The following CCDC192 variants were observed in gnomAD, a reference collection of about 807,000 sequenced individuals.
CCDC192 encodes coiled-coil domain containing 192.
Position 127,719,510 on chromosome 5 carries a change from T to C in CCDC192, c.114+11750T>C, listed in dbSNP as rs1331728525. On this transcript the variant is annotated intron_variant, in intron 2 of 6. Transcript: ENST00000514853. ...ATATATATATACACACACATACATA[T>C]ATATATATATATATACACACATACA... Among the ~76,000 whole-genome samples, 36 of 49,092 alleles carry C rather than the reference T, an allele frequency of 7.3e-4. 2 individuals are homozygous for C. Among genetic ancestry groups the C allele is most frequent in the South Asian group, 4.5e-3 (8 of 1,784 alleles). The allele number at this position is 49,092 out of a possible 152,430, so 32.2% of individuals were successfully genotyped here.
intron 5 of CCDC192, among the ~76,000 whole-genome samples, chr5:127,848,570 C>T (rs1373872161): frequency 6.6e-6 from 1 of 152,188 alleles, no homozygotes; most frequent in Non-Finnish European, 1.5e-5. Flanking sequence ...CTGCCACTTA[C>T]TAGATGTGAC....
chr5:127,834,859 G>C (rs901697602), intron 5 of CCDC192, among the ~76,000 whole-genome samples: 1 of 152,178 alleles, frequency 6.6e-6, no homozygotes, highest in Non-Finnish European at 1.5e-5. Flanking sequence ...GTGTTGTTAA[G>C]TGTGCCAGTA....
chr5:127,930,686 C>G (rs1754003211), intron 6 of CCDC192, among the ~76,000 whole-genome samples: 1 of 152,228 alleles, frequency 6.6e-6, no homozygotes, highest in Non-Finnish European at 1.5e-5. Context: ...TGAGACCCTG[C>G]AGTGGGTGGG....
At chr5:127,783,496 A>T (rs1315151036) in intron 3 of CCDC192, among the ~76,000 whole-genome samples, 1 of 152,146 alleles carries the variant, frequency 6.6e-6, no homozygotes, top group Admixed American at 6.5e-5. Context: ...GCTTAATATG[A>T]TTTCAATTTC....
Position 127,845,217 on chromosome 5 carries a change from G to A in CCDC192, c.412-30321G>A, listed in dbSNP as rs536207285. ...TGTTCTTGCCTCCATGTCAGTCATG[G>A]AGACTGGAGCTGTCTGGAGGAGAGT... is the stretch of plus-strand genomic sequence containing the variant. On this transcript the variant is annotated intron_variant, in intron 5 of 6. Transcript: ENST00000514853. Among the ~76,000 whole-genome samples the A allele has an allele frequency of 2.0e-5, 3 of 152,320 alleles. No individual in the cohort carries two copies. In the East Asian group the frequency reaches 5.8e-4, roughly 29 times the overall value.
intron 6 of CCDC192, among the ~76,000 whole-genome samples, chr5:127,898,112 GT>G (rs200561865): frequency 4.7e-4 from 69 of 145,280 alleles, no homozygotes; most frequent in Admixed American, 8.3e-4. Context: ...ATATGGTCCA[GT>G]TTTTTTTTTT....
chr5:127,938,890 G>A (rs1409025319), intron 6 of CCDC192, among the ~76,000 whole-genome samples: 1 of 151,888 alleles, frequency 6.6e-6, no homozygotes, highest in Non-Finnish European at 1.5e-5. Context: ...AAGGCCTCCT[G>A]CCATATGGAC....
At chr5:127,772,466 C>CAAA (rs34089281) in intron 3 of CCDC192, among the ~76,000 whole-genome samples, 2 of 67,734 alleles carry the variant, frequency 3.0e-5, no homozygotes. Flanking sequence ...GACTCTGTCA[C>CAAA]AAAAAAAAAA....
chr5:127,940,304 T>C (rs374750177), intron 6 of CCDC192: 1 of 152,204 alleles, frequency 6.6e-6, no homozygotes, highest in African/African-American at 2.4e-5. Flanking sequence ...TGAATCTGTA[T>C]GGGAAATACC....
chr5:127,917,839 G>C lies in CCDC192; in HGVS notation c.536-23343G>C, dbSNP rs556865896. 3.1e-4 allele frequency among the ~76,000 whole-genome samples: 47 copies of C among 152,224 alleles called. 1 individual carries two copies. The South Asian group carries it at 8.9e-3, about 29-fold the overall frequency. ...TAGAGACACAAAGTGAGCACGTGCTGTTGAAAAAATGGCACTAAAACCGGG... is the reference window on the plus strand; with the variant it reads ...TAGAGACACAAAGTGAGCACGTGCTCTTGAAAAAATGGCACTAAAACCGGG... On this transcript the variant is annotated intron_variant, in intron 6 of 6. Coordinates refer to ENST00000514853, the MANE Select transcript of CCDC192 (RefSeq NM_001317938.2).
At chr5:127,860,647 G>GT (rs1347971565) in intron 5 of CCDC192, among the ~76,000 whole-genome samples, 2 of 151,960 alleles carry the variant, frequency 1.3e-5, no homozygotes, top group Non-Finnish European at 2.9e-5. Context: ...GAAGTGACTA[G>GT]ATGCAATATT....
chr5:127,754,496 CA>C, intron 3 of CCDC192, 121 bp downstream of exon 3: 1 of 212,714 alleles, frequency 4.7e-6, no homozygotes. Flanking sequence ...CACACACATA[CA>C]CACACACACA....
At chr5:127,917,205 T>C (rs750509528) in intron 6 of CCDC192, among the ~76,000 whole-genome samples, 1 of 152,250 alleles carries the variant, frequency 6.6e-6, no homozygotes, top group Non-Finnish European at 1.5e-5. Context: ...CTTCATTGAA[T>C]TGAAGAGTCA....
Position 127,771,936 on chromosome 5 carries a change from T to A in CCDC192, c.222+17561T>A, listed in dbSNP as rs1015437606. Among the ~76,000 whole-genome samples, 49 of 152,098 alleles carry A rather than the reference T, an allele frequency of 3.2e-4. 1 individual carries two copies. Among genetic ancestry groups the A allele is most frequent in the Admixed American group, 2.9e-3 (45 of 15,272 alleles). On this transcript the variant is annotated intron_variant, in intron 3 of 6. Coordinates refer to ENST00000514853, the MANE Select transcript of CCDC192 (RefSeq NM_001317938.2). ...TGTTGGTGTGGTTCCCGCCTTGCGT[T>A]TGAATCCCAGGTTCCACACAGGAAG...
chr5:127,859,155 T>G (rs1751247872), intron 5 of CCDC192, among the ~76,000 whole-genome samples: 1 of 152,232 alleles, frequency 6.6e-6, no homozygotes. Flanking sequence ...AGTTATTTTG[T>G]GCCTGAGATG....
intron 5 of CCDC192, among the ~76,000 whole-genome samples, chr5:127,863,893 C>T (rs1397478612): frequency 1.3e-5 from 2 of 152,158 alleles, no homozygotes; most frequent in East Asian, 3.8e-4. Context: ...GCATATTATT[C>T]ATCTGTTTGT....
chr5:127,934,724 G>A (rs1475112041), intron 6 of CCDC192, among the ~76,000 whole-genome samples: 1 of 152,156 alleles, frequency 6.6e-6, no homozygotes, highest in Non-Finnish European at 1.5e-5. Context: ...AAATCTAGAG[G>A]ATAGAAAACC....
At chr5:127,932,587 G>T (rs560845405) in intron 6 of CCDC192, among the ~76,000 whole-genome samples, 1 of 152,244 alleles carries the variant, frequency 6.6e-6, no homozygotes, top group Non-Finnish European at 1.5e-5. Context: ...GGATATTGTT[G>T]TATCCACCCT....
chr5:127,832,795 CAAACA>C (rs912337152), intron 5 of CCDC192, among the ~76,000 whole-genome samples: 17 of 152,038 alleles, frequency 1.1e-4, no homozygotes, highest in African/African-American at 3.9e-4. Flanking sequence ...AGCTAAAAAC[CAAACA>C]AAATAAAAAT....
Sources: gnomAD v4.1 joint callset for allele counts (sites outside exome capture counted in the v4.1 genomes callset) on GRCh38, gnomAD v4.1.1 for gene constraint, MANE v1.5 for transcripts, NCBI Gene and HGNC (gene_info 2026-07-23, HGNC 2026-07-21) for gene names.